ZNF30: variants seen among roughly 807,000 people sequenced by gnomAD.
ZNF30 encodes the protein zinc finger protein 30.
A neutral mutation model predicts 13.2 loss-of-function variants in ZNF30; 15 were observed. That is an observed-to-expected ratio of 1.13 (90% confidence interval 0.76 to 1.75). The LOEUF (loss-of-function observed/expected upper bound fraction) is 1.75. Ranked by LOEUF, ZNF30 falls within the 40% of genes most tolerant of loss-of-function variation. ZNF30 has a pLI of 0.00. For synonymous variants in ZNF30, 223 were observed against 256.6 expected (o/e 0.87, Z 1.25); for missense variants, 726 against 757.0 (o/e 0.96, Z 0.48).
At chr19:34,930,561 C>G (rs2012394072) in intron 2 of ZNF30, among the ~76,000 whole-genome samples, 2 of 152,108 alleles carry the variant, frequency 1.3e-5, no homozygotes, top group Admixed American at 6.5e-5. Context: ...TCCACTAACT[C>G]AAGAACAGCC....
chr19:34,942,283 A>G (rs2013083208), intron 4 of ZNF30, among the ~76,000 whole-genome samples: 1 of 152,016 alleles, frequency 6.6e-6, no homozygotes, highest in Non-Finnish European at 1.5e-5. Context: ...TCTCTATAAA[A>G]ATTACAAAAA....
intron 4 of ZNF30, 60 bp from the exon 5 acceptor site, chr19:34,943,158 CTCTTT>C: frequency 2.5e-6 from 3 of 1,192,450 alleles, no homozygotes; most frequent in Non-Finnish European, 3.3e-6. Context: ...TTCAGTTTTT[CTCTTT>C]TCTTCCCTAG....
upstream of ZNF30, chr19:34,926,808 T>C (rs1163034913): frequency 7.6e-6 from 3 of 395,656 alleles, no homozygotes; most frequent in African/African-American, 2.1e-5. Flanking sequence ...CGCCCCAGCT[T>C]CGAGGTCTAT....
At position 34,944,249 on chromosome 19, in the gene ZNF30, A is replaced by G. The variant is rs1568546405; in HGVS notation, c.1283A>G (p.Tyr428Cys). 8 of 1,613,564 alleles carry G rather than the reference A, an allele frequency of 5.0e-6. No homozygotes were observed. Among genetic ancestry groups the G allele is most frequent in the East Asian group, 2.2e-5 (1 of 44,854 alleles). ...AGGATCCATACTGGGGAGAAACCCT[A>G]TGAATGTAAGGAATGTGGCAAAGCC... The part of the protein sequence containing the change: ...HQRIHTGEKP[Y>C]ECKECGKAFI... The change falls in exon 5 of 5, where the codon TAT (tyrosine) becomes TGT (cysteine). Residue 428 changes from tyrosine to cysteine, a missense_variant. Transcript: ENST00000601142.
At position 34,943,804 on chromosome 19, in the gene ZNF30, C is replaced by G. The variant is rs373667415; in HGVS notation, c.838C>G (p.Arg280Gly). ...STFSYLVQHQ[R>G]IHTSEKPYEC... ...CTTTTCATACCTGGTTCAACATCAG[C>G]GAATTCATACCAGTGAAAAACCTTA... The change falls in exon 5 of 5, where the codon CGA becomes GGA. Residue 280 changes from arginine (R) to glycine (G), a missense_variant. Transcript: ENST00000601142. 10 of 1,611,740 alleles carry G rather than the reference C, an allele frequency of 6.2e-6. No homozygotes were observed. Among genetic ancestry groups the G allele is most frequent in the Non-Finnish European group, 7.6e-6 (9 of 1,179,236 alleles).
intron 4 of ZNF30, among the ~76,000 whole-genome samples, chr19:34,941,741 C>T (rs1378000495): frequency 6.6e-6 from 1 of 152,226 alleles, no homozygotes; most frequent in Non-Finnish European, 1.5e-5. Flanking sequence ...TCCAGTTTTG[C>T]AGTTGGTTTT....
chr19:34,928,252 T>TATATAGATAG (rs1325117057), intron 1 of ZNF30, among the ~76,000 whole-genome samples: 48 of 56,544 alleles, frequency 8.5e-4, no homozygotes, highest in African/African-American at 3.5e-3. Flanking sequence ...TATATATATA[T>TATATAGATAG]ATAGATAGAT....
chr19:34,933,068 C>T (rs948152269), intron 3 of ZNF30, among the ~76,000 whole-genome samples: 1 of 147,854 alleles, frequency 6.8e-6, no homozygotes, highest in Non-Finnish European at 1.5e-5. Context: ...GCATGAGCCA[C>T]CGGGCCTGGT....
At chr19:34,928,220 A>AAAATATATATATATATATATATAT (rs1555778254) in intron 1 of ZNF30, among the ~76,000 whole-genome samples, 1 of 73,414 alleles carries the variant, frequency 1.4e-5, no homozygotes, top group Non-Finnish European at 2.6e-5. Context: ...AAAAAAAAAA[A>AAAATATATATATATATATATATAT]ATATATATAT....
chr19:34,927,870 T>TA (rs1196648736), intron 1 of ZNF30, among the ~76,000 whole-genome samples: 1 of 152,132 alleles, frequency 6.6e-6, no homozygotes, highest in Non-Finnish European at 1.5e-5. Context: ...TAGTTAGAAT[T>TA]AAAAGAAAGC....
At chr19:34,938,693 C>G (rs1247133707) in intron 4 of ZNF30, among the ~76,000 whole-genome samples, 2 of 151,950 alleles carry the variant, frequency 1.3e-5, no homozygotes, top group Non-Finnish European at 2.9e-5. Context: ...CAGTGCCCAC[C>G]GGAGGTTCAT....
chr19:34,926,895 T>G, upstream of ZNF30: 1 of 398,148 alleles, frequency 2.5e-6, no homozygotes, highest in Non-Finnish European at 4.4e-6. Context: ...CGGGCGCCGG[T>G]GGGCGGCCTT....
intron 4 of ZNF30, among the ~76,000 whole-genome samples, chr19:34,942,984 T>C (rs1020221050): frequency 6.6e-6 from 1 of 152,108 alleles, no homozygotes; most frequent in Non-Finnish European, 1.5e-5. Context: ...TTTAACAGGC[T>C]CTTCAAAGAT....
At chr19:34,935,780 A>G (rs1257320825) in intron 4 of ZNF30, among the ~76,000 whole-genome samples, 2 of 151,382 alleles carry the variant, frequency 1.3e-5, no homozygotes, top group East Asian at 3.9e-4. Context: ...TTTAAATTCA[A>G]AAACAATGCT....
intron 4 of ZNF30, among the ~76,000 whole-genome samples, chr19:34,939,124 C>T (rs1243271805): frequency 2.5e-5 from 2 of 78,760 alleles, no homozygotes; most frequent in East Asian, 3.4e-4. Context: ...TGTCTTGTCT[C>T]CCCTCCCCTC....
At chr19:34,934,905 A>T (rs1274287223) in intron 4 of ZNF30, among the ~76,000 whole-genome samples, 1 of 152,140 alleles carries the variant, frequency 6.6e-6, no homozygotes, top group African/African-American at 2.4e-5. Context: ...CATTCTACAC[A>T]CATATCCCAG....
upstream of ZNF30, among the ~76,000 whole-genome samples, chr19:34,925,531 G>A (rs1262878653): frequency 6.6e-6 from 1 of 152,170 alleles, no homozygotes; most frequent in Non-Finnish European, 1.5e-5. Context: ...TGTTCCTCTG[G>A]ATGTCCAGCG....
At chr19:34,933,809 G>A in intron 4 of ZNF30, 86 bp downstream of exon 4, 2 of 955,744 alleles carry the variant, frequency 2.1e-6, no homozygotes, top group Non-Finnish European at 3.2e-6. Context: ...TGCAATGTTT[G>A]GAGGTTTCCC....
chr19:34,940,538 C>T (rs2151673261), intron 4 of ZNF30, among the ~76,000 whole-genome samples: 1 of 151,792 alleles, frequency 6.6e-6, no homozygotes, highest in South Asian at 2.1e-4. Context: ...TATGGTGGTG[C>T]ACATCTGTAA....
Sources: gnomAD v4.1 joint callset for allele counts (sites outside exome capture counted in the v4.1 genomes callset) on GRCh38, gnomAD v4.1.1 for gene constraint, MANE v1.5 for transcripts, NCBI Gene and HGNC (gene_info 2026-07-23, HGNC 2026-07-21) for gene names.